The following GAPVD1 variants were observed in gnomAD, a reference collection of about 807,000 sequenced individuals.
The protein encoded by GAPVD1 is GTPase activating protein and VPS9 domains 1.
In GAPVD1, 35 loss-of-function variants were observed where a neutral mutation model predicts 155.5. The ratio of observed to expected loss-of-function variants is 0.23; its 90% CI spans 0.17 to 0.30. The LOEUF (loss-of-function observed/expected upper bound fraction) is 0.30. GAPVD1 is among the 10% of genes least tolerant of loss of function. The probability of loss-of-function intolerance (pLI) is 1.00; values close to 1 mark genes in which losing one functional copy is unlikely to be tolerated. For missense variants in GAPVD1, 1,429 were observed against 1,775.7 expected (o/e 0.80, Z 3.51); for synonymous variants, 636 against 619.7 (o/e 1.03, Z -0.39).
chr9:125,357,235 A>C (rs1850216701), intron 25 of GAPVD1, among the ~76,000 whole-genome samples: 1 of 152,170 alleles, frequency 6.6e-6, no homozygotes, highest in Admixed American at 6.5e-5. Flanking sequence ...TTCTAACAGC[A>C]CCAGGCACAG....
At chr9:125,333,694 G>T (rs1423960842) in intron 15 of GAPVD1, among the ~76,000 whole-genome samples, 1 of 151,444 alleles carries the variant, frequency 6.6e-6, no homozygotes, top group Non-Finnish European at 1.5e-5. Flanking sequence ...CTCCATGTTG[G>T]TCAGGCTGGT....
chr9:125,270,151 A>G (rs1374627933), intron 2 of GAPVD1, among the ~76,000 whole-genome samples: 2 of 152,122 alleles, frequency 1.3e-5, no homozygotes, highest in African/African-American at 2.4e-5. Flanking sequence ...ACTGCTGGCC[A>G]GGCATGGTGG....
In GAPVD1 at chr9:125,266,151, A is replaced by G. The variant is rs986828906; in HGVS notation, c.-198-2785A>G. Among the ~76,000 whole-genome samples, 12 of 139,530 alleles carry G rather than the reference A, an allele frequency of 8.6e-5. 1 individual carries two copies. The highest frequency in any genetic ancestry group is 2.9e-4 in the African/African-American group (11 of 37,816). The allele number at this position is 139,530 out of a possible 152,430, so 91.5% of individuals were successfully genotyped here. A position where few individuals can be genotyped will look rare whatever the true frequency, so the allele number is the denominator to read the frequency against. On this transcript the variant is annotated intron_variant, in intron 1 of 27. Coordinates refer to ENST00000297933, the MANE Select transcript of GAPVD1 (RefSeq NM_001282680.3). ...AATTTTTTTTTTTTTTTTGAGGTGG[A>G]GTTTTGCTCTTGTTGCCCAGGCTGG...
chr9:125,336,151 A>C (rs1025857163), intron 15 of GAPVD1, among the ~76,000 whole-genome samples: 7 of 151,968 alleles, frequency 4.6e-5, no homozygotes, highest in Admixed American at 1.3e-4. Context: ...TCTCCAAAAA[A>C]AAAAAAAAAA....
Position 125,298,941 on chromosome 9 carries a change from A to G in GAPVD1, c.20A>G (p.His7Arg), listed in dbSNP as rs1416152870. 1.1e-5 allele frequency: 17 copies of G among 1,606,000 alleles called. No individual in the cohort carries two copies. The Admixed American group carries it at 2.1e-4, about 20-fold the overall frequency. Reference protein sequence around the residue: MVKLDIHTLAHHLKQER... With the variant: MVKLDIRTLAHHLKQER... ...TTGAAGATGGTGAAACTAGATATTC[A>G]TACTCTGGCTCATCACCTCAAGCAG... Residue 7 changes from histidine (H) to arginine (R), a missense_variant, in exon 4 of 28, where the codon CAT (histidine) becomes CGT (arginine). By Grantham distance (29) the His-to-Arg change is conservative. This residue lies in a region of GAPVD1 where 628 missense variants were observed against 733.4 expected (regional missense o/e 0.86). Coordinates refer to ENST00000297933, the MANE Select transcript of GAPVD1 (RefSeq NM_001282680.3).
intron 1 of GAPVD1, among the ~76,000 whole-genome samples, chr9:125,262,486 T>C (rs1833090140): frequency 6.6e-6 from 1 of 152,186 alleles, no homozygotes; most frequent in South Asian, 2.1e-4. Flanking sequence ...GTTGGTTGTT[T>C]CCATCCCTTT....
chr9:125,334,160 C>T (rs1846512544), intron 15 of GAPVD1, among the ~76,000 whole-genome samples: 1 of 151,630 alleles, frequency 6.6e-6, no homozygotes, highest in Non-Finnish European at 1.5e-5. Context: ...GTTAACTGTC[C>T]ATTTTCACCG....
At chr9:125,348,315 G>A (rs1415460327) in intron 20 of GAPVD1, among the ~76,000 whole-genome samples, 4 of 151,900 alleles carry the variant, frequency 2.6e-5, no homozygotes, top group African/African-American at 7.3e-5. Flanking sequence ...AATTATTTCC[G>A]AAGAATAAGG....
chr9:125,267,426 T>A (rs1201283879), intron 1 of GAPVD1, among the ~76,000 whole-genome samples: 3 of 151,908 alleles, frequency 2.0e-5, no homozygotes, highest in African/African-American at 7.3e-5. Flanking sequence ...AATTTTAGTT[T>A]TTTATTTTTT....
intron 9 of GAPVD1, among the ~76,000 whole-genome samples, chr9:125,313,950 C>T (rs990562595): frequency 1.3e-5 from 2 of 152,198 alleles, no homozygotes; most frequent in African/African-American, 4.8e-5. Flanking sequence ...CCCACCATGA[C>T]ACACCATCAC....
intron 5 of GAPVD1, among the ~76,000 whole-genome samples, chr9:125,304,242 G>T (rs1011734746): frequency 1.3e-5 from 2 of 152,196 alleles, no homozygotes; most frequent in African/African-American, 4.8e-5. Context: ...AAATGTTTTT[G>T]TAGAGACAGG....
chr9:125,357,983 A>AC (rs1470542389), intron 25 of GAPVD1, among the ~76,000 whole-genome samples: 52 of 151,294 alleles, frequency 3.4e-4, no homozygotes, highest in African/African-American at 1.2e-3. Flanking sequence ...TTTAAAAAAA[A>AC]AAAACACACA....
At chr9:125,336,111 C>G (rs996657704) in intron 15 of GAPVD1, among the ~76,000 whole-genome samples, 2 of 149,714 alleles carry the variant, frequency 1.3e-5, no homozygotes, top group Non-Finnish European at 3.0e-5. Flanking sequence ...CACCACTGCA[C>G]TCCAGCCAGG....
chr9:125,352,517 C>T (rs914584769), intron 23 of GAPVD1, among the ~76,000 whole-genome samples: 5 of 152,190 alleles, frequency 3.3e-5, no homozygotes, highest in African/African-American at 4.8e-5. Flanking sequence ...CTAGAGCGGC[C>T]GGAGGGCAGG....
At position 125,346,628 on chromosome 9, in the gene GAPVD1, T is replaced by C. The variant is rs1319335964; in HGVS notation, c.3047-191T>C. The C allele has an allele frequency of 4.8e-6, 3 of 621,656 alleles. 1 individual carries two copies. In the East Asian group the frequency reaches 8.5e-5, roughly 18 times the overall value. The allele number at this position is 621,656 out of a possible 1,614,324, so 38.5% of individuals were successfully genotyped here. ...GGAGCTACTCTTCCCAATTTCCTGCTTTGGCAAGGCTCTCAGACCTAGAAA... is the reference window on the plus strand; with the variant it reads ...GGAGCTACTCTTCCCAATTTCCTGCCTTGGCAAGGCTCTCAGACCTAGAAA... On this transcript the variant is annotated intron_variant, in intron 19 of 27. Transcript: ENST00000297933.
chr9:125,264,175 G>A (rs1029478489), intron 1 of GAPVD1: 1 of 664,390 alleles, frequency 1.5e-6, no homozygotes, highest in African/African-American at 1.8e-5. Context: ...TAAAAAATTT[G>A]GATGGGATCA....
intron 19 of GAPVD1, among the ~76,000 whole-genome samples, chr9:125,344,202 C>A (rs1271267870): frequency 6.6e-6 from 1 of 152,146 alleles, no homozygotes; most frequent in Non-Finnish European, 1.5e-5. Flanking sequence ...GCAGTCTGTT[C>A]ATAATTCTGT....
At chr9:125,361,047 A>G (rs1436218626) in intron 27 of GAPVD1, among the ~76,000 whole-genome samples, 1 of 152,030 alleles carries the variant, frequency 6.6e-6, no homozygotes, top group Non-Finnish European at 1.5e-5. Context: ...CATTTTTGCT[A>G]GAGACAGGGT....
chr9:125,326,487 G>C lies in GAPVD1; in HGVS notation c.1930G>C (p.Asp644His). The C allele has an allele frequency of 6.2e-7, 1 of 1,608,356 alleles. No individual in the cohort carries two copies. Residue 644 changes from aspartate to histidine, a missense_variant, in exon 12 of 28, where the codon GAT becomes CAT. Around this residue, in one of 4 missense-constraint regions of GAPVD1, gnomAD observed 699 missense variants for 826.0 expected, o/e 0.85. Transcript: ENST00000297933. ...TCGTGACATGATGGGATTAACAGAT[G>C]ATAGGGACATATCAGAAACAGTGAG... ...EIRDMMGLTDDRDISETVSET... is the reference protein window; with the variant it reads ...EIRDMMGLTDHRDISETVSET...
Sources: allele counts gnomAD v4.1 joint callset (sites outside exome capture counted in the v4.1 genomes callset), GRCh38; gene constraint gnomAD v4.1.1; regional missense constraint gnomAD v4.1.1; transcripts MANE v1.5; gene names NCBI Gene and HGNC (gene_info 2026-07-23, HGNC 2026-07-21).